Variants in TTC28 observed in about 807,000 individuals in gnomAD.
TTC28 encodes tetratricopeptide repeat domain 28.
Under a neutral mutation model 198.0 loss-of-function variants are expected in TTC28, and 61 were observed. That is an observed-to-expected ratio of 0.31 (90% confidence interval 0.25 to 0.38). The LOEUF (loss-of-function observed/expected upper bound fraction) is 0.38, where lower values mean the gene tolerates loss of function less well. TTC28 is among the 10% of genes least tolerant of loss of function. The pLI, the probability that TTC28 is intolerant of heterozygous loss-of-function variation, is 1.00. For missense variants in TTC28, 2,678 were observed against 3,164.0 expected, an observed-to-expected ratio of 0.85 and a Z score of 3.69; for synonymous variants, 1,171 against 1,297.8, an observed-to-expected ratio of 0.90 and a Z score of 2.10.
intron 2 of TTC28, among the ~76,000 whole-genome samples, chr22:28,420,331 G>T (rs2047230056): frequency 6.6e-6 from 1 of 152,008 alleles, no homozygotes; most frequent in South Asian, 2.1e-4. Flanking sequence ...TTGAAAAATA[G>T]TTTCATTTTT....
intron 6 of TTC28, among the ~76,000 whole-genome samples, chr22:28,139,787 T>C (rs1403259163): frequency 6.6e-6 from 1 of 151,870 alleles, no homozygotes; most frequent in African/African-American, 2.4e-5. Context: ...TTTGTAATCC[T>C]AATGATGTTC....
intron 2 of TTC28, among the ~76,000 whole-genome samples, chr22:28,492,027 G>A (rs568092747): frequency 1.8e-3 from 266 of 151,166 alleles, no homozygotes; most frequent in African/African-American, 6.1e-3. Context: ...AACAAACACC[G>A]CATGTTTTCA....
At chr22:28,025,026 G>A (rs1015279074) in intron 13 of TTC28, among the ~76,000 whole-genome samples, 1 of 152,200 alleles carries the variant, frequency 6.6e-6, no homozygotes, top group African/African-American at 2.4e-5. Context: ...CAGAAAGCTG[G>A]GTATGCAATC....
chr22:28,467,051 C>T (rs1320449613), intron 2 of TTC28, among the ~76,000 whole-genome samples: 1 of 152,192 alleles, frequency 6.6e-6, no homozygotes, highest in Non-Finnish European at 1.5e-5. Context: ...GTTCCATCTA[C>T]TAAAGAATAA....
At chr22:28,020,463 G>C (rs367899035) in intron 13 of TTC28, among the ~76,000 whole-genome samples, 13 of 152,228 alleles carry the variant, frequency 8.5e-5, no homozygotes, top group African/African-American at 3.1e-4. Flanking sequence ...TCTGCGAAGA[G>C]CAGCCAAGGG....
chr22:28,113,962 A>G (rs1205993153), intron 6 of TTC28, among the ~76,000 whole-genome samples: 1 of 152,218 alleles, frequency 6.6e-6, no homozygotes, highest in African/African-American at 2.4e-5. Context: ...GTCCACTTTT[A>G]TGTCTATGGG....
chr22:28,548,722 A>G (rs1026463256), intron 2 of TTC28, among the ~76,000 whole-genome samples: 2 of 152,142 alleles, frequency 1.3e-5, no homozygotes, highest in Non-Finnish European at 2.9e-5. Context: ...CCTAAACACC[A>G]CCTATCAATC....
At chr22:28,564,888 T>C (rs2049946815) in intron 2 of TTC28, among the ~76,000 whole-genome samples, 1 of 147,682 alleles carries the variant, frequency 6.8e-6, no homozygotes, top group South Asian at 2.1e-4. Context: ...ATTTATTATA[T>C]AAATAAATTT....
At chr22:28,571,755 C>T (rs1396658049) in intron 2 of TTC28, among the ~76,000 whole-genome samples, 1 of 151,914 alleles carries the variant, frequency 6.6e-6, no homozygotes, top group Non-Finnish European at 1.5e-5. Flanking sequence ...TCGAGGCCAG[C>T]CTGACAAACA....
intron 5 of TTC28, among the ~76,000 whole-genome samples, chr22:28,273,710 C>A (rs1932238542): frequency 6.6e-6 from 1 of 151,994 alleles, no homozygotes; most frequent in African/African-American, 2.4e-5. Context: ...CAAGAATGTT[C>A]CAATACTAAT....
At chr22:28,633,017 C>T (rs2051204370) in intron 1 of TTC28, among the ~76,000 whole-genome samples, 1 of 151,820 alleles carries the variant, frequency 6.6e-6, no homozygotes, top group Non-Finnish European at 1.5e-5. Context: ...CCGTGGCTCA[C>T]ACCTGTAATC....
At chr22:28,364,122 T>C (rs940177682) in intron 2 of TTC28, among the ~76,000 whole-genome samples, 3 of 152,172 alleles carry the variant, frequency 2.0e-5, no homozygotes, top group African/African-American at 7.2e-5. Flanking sequence ...CCAAATCTCA[T>C]CTTGAATTCC....
intron 12 of TTC28, among the ~76,000 whole-genome samples, chr22:28,043,786 C>G (rs1347060913): frequency 6.6e-6 from 1 of 152,094 alleles, no homozygotes; most frequent in Non-Finnish European, 1.5e-5. Context: ...ACCTGTGTGT[C>G]CTTACTGCCC....
chr22:28,626,368 C>T (rs1318672921), intron 2 of TTC28, among the ~76,000 whole-genome samples: 1 of 151,898 alleles, frequency 6.6e-6, no homozygotes, highest in Non-Finnish European at 1.5e-5. Flanking sequence ...AAAATTAATA[C>T]TTATGGAGAG....
At chr22:28,206,813 T>C (rs1926444634) in intron 5 of TTC28, among the ~76,000 whole-genome samples, 1 of 152,096 alleles carries the variant, frequency 6.6e-6, no homozygotes, top group Non-Finnish European at 1.5e-5. Context: ...CATTAGTACT[T>C]TACTCAGCAC....
intron 1 of TTC28, among the ~76,000 whole-genome samples, chr22:28,638,217 T>C (rs975677572): frequency 1.5e-4 from 23 of 152,140 alleles, no homozygotes; most frequent in African/African-American, 5.6e-4. Context: ...AACAGACATG[T>C]ACAGAACATG....
chr22:28,575,809 TGCTGTTG>T (rs755667999), intron 2 of TTC28, among the ~76,000 whole-genome samples: 6 of 152,172 alleles, frequency 3.9e-5, no homozygotes, highest in Non-Finnish European at 8.8e-5. Flanking sequence ...TCAGACTGTT[TGCTGTTG>T]GCATATTGAA....
intron 2 of TTC28, among the ~76,000 whole-genome samples, chr22:28,514,435 G>A (rs1035575226): frequency 2.0e-5 from 3 of 152,130 alleles, no homozygotes; most frequent in Non-Finnish European, 4.4e-5. Flanking sequence ...CTTTAATGGA[G>A]AAAATGGAAC....
At chr22:28,484,433 T>G (rs71325300) in intron 2 of TTC28, among the ~76,000 whole-genome samples, 7,484 of 152,220 alleles carry the variant, frequency 0.049, 261 homozygotes, top group African/African-American at 0.095. Flanking sequence ...ATTAAAAGCT[T>G]TATGACTCCA....
Sources: gnomAD v4.1 joint callset for allele counts (sites outside exome capture counted in the v4.1 genomes callset) on GRCh38, gnomAD v4.1.1 for gene constraint, MANE v1.5 for transcripts, NCBI Gene and HGNC (gene_info 2026-07-23, HGNC 2026-07-21) for gene names.